Variants in ATAD1 observed in about 807,000 individuals in gnomAD.
ATAD1 encodes ATPase family AAA domain containing 1, also known as outer mitochondrial transmembrane helix translocase.
A neutral mutation model predicts 42.7 loss-of-function variants in ATAD1; 18 were observed. The ratio of observed to expected loss-of-function variants is 0.42; its 90% CI spans 0.29 to 0.63. ATAD1 has a LOEUF of 0.63. Among genes scored for constraint, ATAD1 ranks in the 20% least tolerant of loss-of-function variants. ATAD1 has a pLI of 0.19. For synonymous variants in ATAD1, 132 were observed against 143.1 expected, an observed-to-expected ratio of 0.92 and a Z score of 0.55; for missense variants, 294 against 440.4, an observed-to-expected ratio of 0.67 and a Z score of 2.98.
At chr10:87,827,863 T>C (rs1291145949) in intron 1 of ATAD1, among the ~76,000 whole-genome samples, 1 of 152,132 alleles carries the variant, frequency 6.6e-6, no homozygotes, top group Non-Finnish European at 1.5e-5. Context: ...TGAAAAAAGG[T>C]ATGTTGAAAG....
chr10:87,764,182 G>C (rs957735473), intron 8 of ATAD1, among the ~76,000 whole-genome samples: 2 of 150,942 alleles, frequency 1.3e-5, no homozygotes, highest in Non-Finnish European at 3.0e-5. Flanking sequence ...AAAATGGGCC[G>C]AGCGCAGTGG....
At chr10:87,779,574 T>A (rs1225668915) in intron 5 of ATAD1, among the ~76,000 whole-genome samples, 1 of 152,168 alleles carries the variant, frequency 6.6e-6, no homozygotes, top group Non-Finnish European at 1.5e-5. Flanking sequence ...CATAGGTGCC[T>A]CATACATATG....
At chr10:87,827,834 T>C (rs1240519125) in intron 1 of ATAD1, among the ~76,000 whole-genome samples, 1 of 152,192 alleles carries the variant, frequency 6.6e-6, no homozygotes. Context: ...AATCAAAAGC[T>C]AGAAATGATT....
chr10:87,839,962 G>C (rs973075028), intron 1 of ATAD1, among the ~76,000 whole-genome samples: 23 of 152,152 alleles, frequency 1.5e-4, no homozygotes, highest in Non-Finnish European at 2.9e-5. Flanking sequence ...AGCCCTGCCA[G>C]TGGTGGCCAG....
chr10:87,772,805 G>C (rs1218659226), intron 6 of ATAD1, among the ~76,000 whole-genome samples: 3 of 152,140 alleles, frequency 2.0e-5, no homozygotes, highest in Non-Finnish European at 4.4e-5. Context: ...ATTCTAAGGA[G>C]TAATTTTAAG....
intron 4 of ATAD1, among the ~76,000 whole-genome samples, chr10:87,786,377 T>C (rs953727999): frequency 6.2e-4 from 95 of 152,264 alleles, no homozygotes; most frequent in African/African-American, 2.3e-3. Flanking sequence ...GTGTTGTGTT[T>C]GATTCAAATT....
At chr10:87,791,716 A>G (rs1193756377) in intron 3 of ATAD1, among the ~76,000 whole-genome samples, 1 of 152,228 alleles carries the variant, frequency 6.6e-6, no homozygotes, top group African/African-American at 2.4e-5. Flanking sequence ...TTAATGTATT[A>G]GGCAAATATT....
At position 87,754,729 on chromosome 10, in the gene ATAD1, A is replaced by C; in HGVS notation, c.1044T>G (p.Asp348Glu). 1 of 1,613,786 alleles carries C rather than the reference A, an allele frequency of 6.2e-7. No individual in the cohort carries two copies. Among genetic ancestry groups the C allele is most frequent in the South Asian group, 1.1e-5 (1 of 91,070 alleles). ...GTGTTAAAACATTCTGAAATGCTGC[A>C]TCCTTTGATTTCTTCATCTTTTCAA... ...RAIEKMKKSK[D>E]AAFQNVLTHV... Residue 348 changes from aspartate (D) to glutamate (E), a missense_variant, in exon 10 of 10, where the codon GAT becomes GAG. By Grantham distance (45) the Asp-to-Glu change is conservative. Transcript: ENST00000680024.
intron 1 of ATAD1, among the ~76,000 whole-genome samples, chr10:87,833,547 C>T (rs191143381): frequency 6.6e-6 from 1 of 152,108 alleles, no homozygotes; most frequent in Non-Finnish European, 1.5e-5. Flanking sequence ...TTGTTCCTGA[C>T]CTTAATGGGT....
chr10:87,775,255 T>C (rs12247482), intron 6 of ATAD1, among the ~76,000 whole-genome samples: 47,234 of 150,480 alleles, frequency 0.31, 7,727 homozygotes, highest in African/African-American at 0.36. Flanking sequence ...ACCCAGTCTC[T>C]ACTAAAAATA....
chr10:87,811,921 C>T (rs1804167883), intron 2 of ATAD1, among the ~76,000 whole-genome samples: 1 of 152,168 alleles, frequency 6.6e-6, no homozygotes, highest in Non-Finnish European at 1.5e-5. Flanking sequence ...AGTTTCCAAA[C>T]CTCTATAAAA....
intron 2 of ATAD1, among the ~76,000 whole-genome samples, chr10:87,798,314 T>G (rs982760371): frequency 2.6e-5 from 4 of 152,186 alleles, no homozygotes; most frequent in African/African-American, 9.7e-5. Context: ...ATGAGGAGAA[T>G]GATCCCCTTT....
chr10:87,791,366 T>G (rs1856102810), intron 3 of ATAD1, among the ~76,000 whole-genome samples: 1 of 151,558 alleles, frequency 6.6e-6, no homozygotes, highest in Admixed American at 6.6e-5. Context: ...TTGGGGCCAA[T>G]CAGAAGCAAT....
intron 1 of ATAD1, among the ~76,000 whole-genome samples, chr10:87,815,472 C>T (rs531564501): frequency 2.4e-4 from 37 of 152,064 alleles, no homozygotes; most frequent in Non-Finnish European, 4.4e-4. Flanking sequence ...TGCCATTATA[C>T]TCTCAGCACA....
intron 1 of ATAD1, chr10:87,817,682 A>G (rs1371606540): frequency 1.0e-6 from 1 of 974,430 alleles, no homozygotes; most frequent in Non-Finnish European, 1.2e-6. Context: ...CAATCTTCAC[A>G]AAGAGGGCAG....
chr10:87,800,621 T>A (rs74146212), intron 2 of ATAD1, among the ~76,000 whole-genome samples: 3,958 of 151,862 alleles, frequency 0.026, 101 homozygotes, highest in African/African-American at 0.066. Context: ...AAAAAAAAAA[T>A]TTTTAATTAA....
chr10:87,795,591 A>AT (rs948872685), intron 2 of ATAD1, among the ~76,000 whole-genome samples: 1 of 151,526 alleles, frequency 6.6e-6, no homozygotes, highest in African/African-American at 2.4e-5. Context: ...GTATACCCAT[A>AT]TTTTTTTGAC....
chr10:87,829,336 A>G (rs1857788182), intron 1 of ATAD1, among the ~76,000 whole-genome samples: 1 of 151,208 alleles, frequency 6.6e-6, no homozygotes, highest in South Asian at 2.1e-4. Flanking sequence ...GCTCACTGCA[A>G]CCTCTTCCTC....
chr10:87,806,262 C>T (rs1856918845), intron 2 of ATAD1, among the ~76,000 whole-genome samples: 1 of 151,780 alleles, frequency 6.6e-6, no homozygotes, highest in Admixed American at 6.6e-5. Context: ...TGGTTTTATT[C>T]TCACTCCTCT....
Sources: gnomAD v4.1 joint callset for allele counts (sites outside exome capture counted in the v4.1 genomes callset) on GRCh38, gnomAD v4.1.1 for gene constraint, MANE v1.5 for transcripts, NCBI Gene and HGNC (gene_info 2026-07-23, HGNC 2026-07-21) for gene names.